The following TACR3 variants were observed in gnomAD, a reference collection of about 807,000 sequenced individuals.
TACR3 encodes the protein tachykinin receptor 3, also known as neuromedin-K receptor.
TACR3 carries 34 observed loss-of-function variants against 35.0 expected under a neutral mutation model. That is an observed-to-expected ratio of 0.97 (90% CI 0.74 to 1.30). The LOEUF (loss-of-function observed/expected upper bound fraction) is 1.30. TACR3 is among the 50% of genes most tolerant of loss of function. The probability of loss-of-function intolerance (pLI) is 0.00; values close to 1 mark genes in which losing one functional copy is unlikely to be tolerated. For missense variants in TACR3, 558 were observed against 591.7 expected, an observed-to-expected ratio of 0.94 and a Z score of 0.59; for synonymous variants, 233 against 221.1, an observed-to-expected ratio of 1.05 and a Z score of -0.48.
chr4:103,642,050 T>C (rs984438180), intron 3 of TACR3, among the ~76,000 whole-genome samples: 1 of 151,908 alleles, frequency 6.6e-6, no homozygotes, highest in African/African-American at 2.4e-5. Flanking sequence ...CAAGGTCTAC[T>C]GAACAGCATG....
chr4:103,616,004 A>C (rs1027728460), intron 3 of TACR3, among the ~76,000 whole-genome samples: 1 of 152,232 alleles, frequency 6.6e-6, no homozygotes, highest in African/African-American at 2.4e-5. Context: ...ATAACAGTGC[A>C]TTCAAATGTT....
rs914431526 is a variant in TACR3 at position 103,642,512 on chromosome 4, T to A, written c.888+13682A>T. Among the ~76,000 whole-genome samples the A allele has an allele frequency of 2.6e-5, 4 of 151,714 alleles. No homozygotes were observed. The South Asian group carries it at 8.3e-4, about 31-fold the overall frequency. ...TGAAATCCTGTCATTTGCAGCAACA[T>A]AGATGGAACTGGAGGACATTATGCT... On this transcript the variant is annotated intron_variant, in intron 3 of 4. Coordinates refer to ENST00000304883, the MANE Select transcript of TACR3 (RefSeq NM_001059.3).
intron 3 of TACR3, chr4:103,624,554 A>G (rs1279117301): frequency 6.6e-6 from 1 of 152,176 alleles, no homozygotes; most frequent in Non-Finnish European, 1.5e-5. Flanking sequence ...GTGTATAGAA[A>G]ATCATAGCAC....
intron 3 of TACR3, among the ~76,000 whole-genome samples, chr4:103,633,505 C>A (rs1725113530): frequency 1.3e-5 from 2 of 151,930 alleles, no homozygotes; most frequent in Non-Finnish European, 2.9e-5. Flanking sequence ...GACCCTGGTG[C>A]ACCCATCACC....
intron 3 of TACR3, among the ~76,000 whole-genome samples, chr4:103,613,933 G>C (rs553469096): frequency 6.6e-6 from 1 of 152,244 alleles, no homozygotes; most frequent in East Asian, 1.9e-4. Flanking sequence ...GAATGAATGA[G>C]TGAGAACTCT....
intron 3 of TACR3, among the ~76,000 whole-genome samples, chr4:103,592,607 T>C (rs1014911325): frequency 1.3e-5 from 2 of 152,182 alleles, no homozygotes; most frequent in Non-Finnish European, 2.9e-5. Flanking sequence ...TTCATATCTC[T>C]TTTGGGAATT....
chr4:103,685,095 G>A (rs940449760), intron 1 of TACR3, among the ~76,000 whole-genome samples: 1 of 151,990 alleles, frequency 6.6e-6, no homozygotes, highest in African/African-American at 2.4e-5. Context: ...GACTGAAGTT[G>A]GGGGAATCAC....
At position 103,658,670 on chromosome 4, in the gene TACR3, G is replaced by A. The variant is rs180951745; in HGVS notation, c.549-267C>T. On this transcript the variant is annotated intron_variant, in intron 1 of 4. Coordinates refer to ENST00000304883, the MANE Select transcript of TACR3 (RefSeq NM_001059.3). ...TTTATTATTTTTAAAATTGAAATAA[G>A]AACACCCATCTCTTGGGGTAAAGTG... is the stretch of plus-strand genomic sequence containing the variant. Among the ~76,000 whole-genome samples the A allele has an allele frequency of 9.9e-3, 1,510 of 152,152 alleles. 15 individuals carry two copies. The highest frequency in any genetic ancestry group is 0.037 in the Middle Eastern group (11 of 294).
chr4:103,628,587 A>G (rs959859798), intron 3 of TACR3, among the ~76,000 whole-genome samples: 2 of 152,214 alleles, frequency 1.3e-5, no homozygotes, highest in Non-Finnish European at 2.9e-5. Flanking sequence ...CACCCTCCCA[A>G]CACTAAACCA....
At chr4:103,703,000 A>C (rs993135195) in intron 1 of TACR3, among the ~76,000 whole-genome samples, 8 of 152,038 alleles carry the variant, frequency 5.3e-5, no homozygotes. Context: ...ATGTATACAT[A>C]TGTAACAAAC....
At chr4:103,641,591 A>G (rs1237058452) in intron 3 of TACR3, among the ~76,000 whole-genome samples, 1 of 151,984 alleles carries the variant, frequency 6.6e-6, no homozygotes, top group Non-Finnish European at 1.5e-5. Flanking sequence ...TAAAAATTAA[A>G]CAAGTATTAT....
chr4:103,704,664 C>G lies in TACR3; in HGVS notation c.548+14464G>C, dbSNP rs914009703. 2.0e-5 allele frequency among the ~76,000 whole-genome samples: 3 copies of G among 152,256 alleles called. No individual in the cohort carries two copies. The East Asian group carries it at 5.8e-4, about 29-fold the overall frequency. On this transcript the variant is annotated intron_variant, in intron 1 of 4. Transcript: ENST00000304883. Reference sequence around the variant, plus strand: ...GCCCCATAATCCAATCACCTCATACCTGGTTCCTCCCTTGACACATAGGGA... The same window carrying G: ...GCCCCATAATCCAATCACCTCATACGTGGTTCCTCCCTTGACACATAGGGA...
intron 1 of TACR3, among the ~76,000 whole-genome samples, chr4:103,699,556 A>G (rs28688000): frequency 0.34 from 51,716 of 152,082 alleles, 13,837 homozygotes; most frequent in African/African-American, 0.74. Flanking sequence ...AACTTAAGGG[A>G]AACAGGAGTA....
chr4:103,706,173 G>A (rs77738990), intron 1 of TACR3, among the ~76,000 whole-genome samples: 17,705 of 152,070 alleles, frequency 0.12, 1,345 homozygotes, highest in East Asian at 0.37. Context: ...CTGAAAGAGG[G>A]AAATATCTGG....
intron 1 of TACR3, among the ~76,000 whole-genome samples, chr4:103,715,505 T>C (rs545063788): frequency 6.6e-6 from 1 of 151,696 alleles, no homozygotes; most frequent in Non-Finnish European, 1.5e-5. Flanking sequence ...CATGGGCCAG[T>C]TAAACCTCTT....
chr4:103,640,340 C>T (rs756258055), intron 3 of TACR3, among the ~76,000 whole-genome samples: 1 of 151,816 alleles, frequency 6.6e-6, no homozygotes, highest in South Asian at 2.1e-4. Flanking sequence ...TTACTTGTGG[C>T]AAAATTCAGT....
chr4:103,657,964 C>G (rs1725765974), intron 2 of TACR3, among the ~76,000 whole-genome samples: 1 of 144,236 alleles, frequency 6.9e-6, no homozygotes, highest in Non-Finnish European at 1.6e-5. Flanking sequence ...TTTATCACTT[C>G]CTTCAGGAAA....
chr4:103,586,864 A>G lies in TACR3; in HGVS notation c.*2818T>C, dbSNP rs968714413. ...GTACTTTGTCCAGATGCAAAATAGT[A>G]AGCAATGTTTATTTTTGATTTAATG... On this transcript the variant is annotated 3_prime_UTR_variant, in exon 5 of 5. Coordinates refer to ENST00000304883, the MANE Select transcript of TACR3 (RefSeq NM_001059.3). The G allele has an allele frequency of 1.3e-5, 2 of 152,076 alleles. No homozygotes were observed. Among genetic ancestry groups the G allele is most frequent in the Admixed American group, 1.3e-4 (2 of 15,226 alleles). The allele number at this position is 152,076 out of a possible 1,614,324, so 9.4% of individuals were successfully genotyped here.
At chr4:103,610,302 C>T (rs887261272) in intron 3 of TACR3, among the ~76,000 whole-genome samples, 5 of 151,838 alleles carry the variant, frequency 3.3e-5, no homozygotes, top group Non-Finnish European at 5.9e-5. Flanking sequence ...TTGTCTTTTT[C>T]ATAATAGCCA....
Sources: gnomAD v4.1 joint callset for allele counts (sites outside exome capture counted in the v4.1 genomes callset) on GRCh38, gnomAD v4.1.1 for gene constraint, MANE v1.5 for transcripts, NCBI Gene and HGNC (gene_info 2026-07-23, HGNC 2026-07-21) for gene names.